TRPV3: variants seen among roughly 807,000 people sequenced by gnomAD.
The protein encoded by TRPV3 is transient receptor potential cation channel subfamily V member 3, also known as VRL-3.
In TRPV3, 88 loss-of-function variants were observed where a neutral mutation model predicts 87.1. The observed-to-expected ratio is 1.01, with a 90% CI of 0.85 to 1.21. The LOEUF (loss-of-function observed/expected upper bound fraction) is 1.21. TRPV3 is among the 50% of genes most tolerant of loss of function. The probability of loss-of-function intolerance (pLI) is 0.00; values close to 1 mark genes in which losing one functional copy is unlikely to be tolerated. For missense variants in TRPV3, 1,054 were observed against 1,030.1 expected (o/e 1.02, Z -0.32); for synonymous variants, 438 against 423.3 (o/e 1.03, Z -0.43).
Position 3,530,201 on chromosome 17 carries a change from G to T in TRPV3, c.1068C>A (p.Ile356=). 6.2e-7 allele frequency: 1 copy of T among 1,610,718 alleles called. No individual in the cohort carries two copies. Among genetic ancestry groups the T allele is most frequent in the South Asian group, 1.1e-5 (1 of 90,474 alleles). The change falls in exon 9 of 18, where the codon ATC becomes ATA. Residue 356 remains isoleucine, a splice_region_variant and synonymous_variant. Coordinates refer to ENST00000576742, the MANE Select transcript of TRPV3 (RefSeq NM_145068.4). This position sits in a 1 kb window ranked among gnomAD's most constrained non-coding sequence, Gnocchi z 4.0. ...TCTCACGACTGAGGATGTACTTCAG[G>T]ATCTGGGACAGGAGGAGGAACAACC... is the stretch of plus-strand genomic sequence containing the variant. ...QLAAKMGKAE[I]LKYILSREIK...
chr17:3,554,334 A>T (rs2074606463), intron 2 of TRPV3: 1 of 173,332 alleles, frequency 5.8e-6, no homozygotes, highest in Non-Finnish European at 1.2e-5. Context: ...GAGTGGATGG[A>T]AAGCCATGGG....
intron 13 of TRPV3, among the ~76,000 whole-genome samples, chr17:3,521,902 C>T (rs2074249508): frequency 6.6e-6 from 1 of 151,970 alleles, no homozygotes; most frequent in South Asian, 2.1e-4. Context: ...ATGGCGAAAC[C>T]CCGTCTCTAC....
At position 3,528,558 on chromosome 17, in the gene TRPV3, C is replaced by A. The variant is rs923818629; in HGVS notation, c.1401+279G>T. Among the ~76,000 whole-genome samples the A allele has an allele frequency of 5.9e-5, 9 of 152,186 alleles. No individual in the cohort carries two copies. Among genetic ancestry groups the A allele is most frequent in the African/African-American group, 2.2e-4 (9 of 41,450 alleles). The stretch of plus-strand genomic sequence containing the variant: ...TCACAGCAGAAACACCCAGCTAGTT[C>A]TATATTTACAGACAGAGACCCTGTG... On this transcript the variant is annotated intron_variant, in intron 10 of 17. Transcript: ENST00000576742. This position sits in a 1 kb window ranked among gnomAD's most constrained non-coding sequence, Gnocchi z 4.2.
At chr17:3,535,480 C>G in intron 7 of TRPV3, 93 bp downstream of exon 7, 1 of 1,324,980 alleles carries the variant, frequency 7.5e-7, no homozygotes, top group Non-Finnish European at 9.9e-7. Context: ...TTCCCCCCTC[C>G]TCCCTTCTTC....
chr17:3,522,833 A>G (rs990036828), intron 13 of TRPV3, among the ~76,000 whole-genome samples: 1 of 152,086 alleles, frequency 6.6e-6, no homozygotes, highest in Non-Finnish European at 1.5e-5. Flanking sequence ...AAAAAAAAAA[A>G]AAAAGCAAAA....
At chr17:3,519,840 G>A (rs2074227197) in intron 14 of TRPV3, among the ~76,000 whole-genome samples, 1 of 132,382 alleles carries the variant, frequency 7.6e-6, no homozygotes, top group Non-Finnish European at 1.6e-5. Flanking sequence ...ATGGATGAAT[G>A]GATGGATGAC....
At chr17:3,514,265 G>T (rs112795083) in intron 17 of TRPV3, 408 of 486,210 alleles carry the variant, frequency 8.4e-4, no homozygotes, top group African/African-American at 7.2e-3. Context: ...CTTTAGTAGA[G>T]ACAAGGTGTC....
intron 12 of TRPV3, among the ~76,000 whole-genome samples, chr17:3,525,998 G>A (rs1281493796): frequency 6.6e-6 from 1 of 151,994 alleles, no homozygotes; most frequent in Non-Finnish European, 1.5e-5. Flanking sequence ...GCAGACATCT[G>A]CATAACATCC....
In TRPV3 at chr17:3,556,048, A is replaced by G. The variant is rs1023612305; in HGVS notation, c.-2-1196T>C. Among the ~76,000 whole-genome samples, 5 of 151,814 alleles carry G rather than the reference A, an allele frequency of 3.3e-5. No homozygotes were observed. The highest frequency in any genetic ancestry group is 7.4e-5 in the Non-Finnish European group (5 of 67,926). ...AAAAATTAGCCGGGCATGGTGGTAC[A>G]TGCCTGTAGTCCCAGCTAGTCGGGA... On this transcript the variant is annotated intron_variant, in intron 1 of 17. Transcript: ENST00000576742. This position sits in a 1 kb window ranked among gnomAD's most constrained non-coding sequence, Gnocchi z 4.2.
At chr17:3,540,502 C>T (rs750558301) in intron 6 of TRPV3, among the ~76,000 whole-genome samples, 1 of 152,222 alleles carries the variant, frequency 6.6e-6, no homozygotes, top group South Asian at 2.1e-4. Flanking sequence ...GATCTGTGAC[C>T]GGGACAGCAA....
chr17:3,538,256 A>C (rs530145109), intron 6 of TRPV3, among the ~76,000 whole-genome samples: 1 of 152,216 alleles, frequency 6.6e-6, no homozygotes, highest in Admixed American at 6.5e-5. Flanking sequence ...CCTATGAATC[A>C]ATAGAAAGAC....
At chr17:3,535,422 CT>C (rs1243202181) in intron 7 of TRPV3, 150 bp downstream of exon 7, 3 of 704,180 alleles carry the variant, frequency 4.3e-6, no homozygotes, top group African/African-American at 2.0e-5. Flanking sequence ...CTGTTTCCCC[CT>C]CCCTTCCTCC....
In TRPV3 at chr17:3,543,605, T is replaced by C; in HGVS notation, c.335A>G (p.Gln112Arg). 6.2e-7 allele frequency: 1 copy of C among 1,614,158 alleles called. No homozygotes were observed. Among genetic ancestry groups the C allele is most frequent in the South Asian group, 1.1e-5 (1 of 91,082 alleles). Reference protein sequence around the residue: ...SPSAQLAKEEQRRKKRRLKKR... With the variant: ...SPSAQLAKEERRRKKRRLKKR... ...CTTCAGCCGCCTCTTTTTCCTCCTC[T>C]GCTCTTCCTTGGCCAGCTGTGCACT... Residue 112 changes from glutamine to arginine, a missense_variant, in exon 5 of 18, where the codon CAG becomes CGG. Coordinates refer to ENST00000576742, the MANE Select transcript of TRPV3 (RefSeq NM_145068.4).
At position 3,545,733 on chromosome 17, in the gene TRPV3, C is replaced by T. The variant is rs184730202; in HGVS notation, c.120-462G>A. Among the ~76,000 whole-genome samples, 366 of 151,396 alleles carry T rather than the reference C, an allele frequency of 2.4e-3. 3 individuals carry two copies. The highest frequency in any genetic ancestry group is 7.7e-3 in the Admixed American group (117 of 15,218). On this transcript the variant is annotated intron_variant, in intron 2 of 17. Transcript: ENST00000576742. ...GGGTGCAGGGGCTATTATCCCAGCA[C>T]CCTGGGAGGCTGAGGCGGGCAGATC...
intron 6 of TRPV3, among the ~76,000 whole-genome samples, chr17:3,536,848 C>T (rs186166780): frequency 6.6e-6 from 1 of 152,192 alleles, no homozygotes; most frequent in East Asian, 1.9e-4. Flanking sequence ...AGAGAACTTC[C>T]AGATGGAAGG....
At chr17:3,550,312 C>T (rs1262939921) in intron 2 of TRPV3, among the ~76,000 whole-genome samples, 1 of 152,038 alleles carries the variant, frequency 6.6e-6, no homozygotes, top group Non-Finnish European at 1.5e-5. Context: ...AGGCCTTCTC[C>T]CAGAGTCCAC....
chr17:3,515,793 A>G (rs1248037204), intron 16 of TRPV3, among the ~76,000 whole-genome samples: 1 of 152,164 alleles, frequency 6.6e-6, no homozygotes, highest in Non-Finnish European at 1.5e-5. Flanking sequence ...GGTCACAGGA[A>G]CTCACACAGG....
At chr17:3,526,286 T>C (rs2074299001) in intron 12 of TRPV3, among the ~76,000 whole-genome samples, 1 of 152,086 alleles carries the variant, frequency 6.6e-6, no homozygotes, top group Admixed American at 6.6e-5. Flanking sequence ...AAGACCAGCC[T>C]GACCAACATG....
rs374035465 is a variant in TRPV3, at chr17:3,528,118, C to A, written c.1410G>T (p.Pro470=). The A allele has an allele frequency of 6.2e-7, 1 of 1,611,738 alleles. No individual in the cohort carries two copies. Among genetic ancestry groups the A allele is most frequent in the East Asian group, 2.2e-5 (1 of 44,842 alleles). Residue 470 remains proline (P), a synonymous_variant, in exon 11 of 18, where the codon CCG becomes CCT. Coordinates refer to ENST00000576742, the MANE Select transcript of TRPV3 (RefSeq NM_145068.4). This position sits in a 1 kb window ranked among gnomAD's most constrained non-coding sequence, Gnocchi z 4.2. Reference sequence around the variant, plus strand: ...TCTTGTGCGTCAGGGCCAAGGGGTGCGGGATGGCCTGCAGGGAAAGAAGAG... The same window carrying A: ...TCTTGTGCGTCAGGGCCAAGGGGTGAGGGATGGCCTGCAGGGAAAGAAGAG... ...YYRPREEEAI[P]HPLALTHKMG...
Sources: allele counts gnomAD v4.1 joint callset (sites outside exome capture counted in the v4.1 genomes callset), GRCh38; gene constraint gnomAD v4.1.1; non-coding constraint Gnocchi (gnomAD v3.1); transcripts MANE v1.5; gene names NCBI Gene and HGNC (gene_info 2026-07-23, HGNC 2026-07-21).